ZNF638: variants seen among roughly 807,000 people sequenced by gnomAD.
ZNF638 encodes the protein CTCL tumor antigen se33-1.
ZNF638 carries 46 observed loss-of-function variants against 195.6 expected under a neutral mutation model. That is an observed-to-expected ratio of 0.24 (90% CI 0.19 to 0.30). The LOEUF is 0.30. Ranked by LOEUF, ZNF638 falls within the 10% of genes least tolerant of loss-of-function variation. The pLI is 1.00. For missense variants in ZNF638, 2,440 were observed against 2,325.3 expected (o/e 1.05, Z -1.01); for synonymous variants, 845 against 772.0 (o/e 1.09, Z -1.57).
Position 71,364,131 on chromosome 2 carries a change from A to T in ZNF638, c.1596A>T (p.Arg532Ser). The change falls in exon 5 of 28, where the codon AGA becomes AGT. Residue 532 changes from arginine (R) to serine (S), a missense_variant. Transcript: ENST00000264447. ...SPRICHRFISRYRSRSRSRSP... is the reference protein window; with the variant it reads ...SPRICHRFISSYRSRSRSRSP... ...GAATTTGCCATCGTTTCATTTCTAGATACAGATCCAGATCCAGATCCCGTT... is the reference window on the plus strand; with the variant it reads ...GAATTTGCCATCGTTTCATTTCTAGTTACAGATCCAGATCCAGATCCCGTT... 1 of 1,614,150 alleles carries T rather than the reference A, an allele frequency of 6.2e-7. No individual in the cohort carries two copies. The highest frequency in any genetic ancestry group is 8.5e-7 in the Non-Finnish European group (1 of 1,180,026).
intron 5 of ZNF638, among the ~76,000 whole-genome samples, chr2:71,364,515 A>G (rs929083862): frequency 6.6e-6 from 1 of 152,194 alleles, no homozygotes; most frequent in African/African-American, 2.4e-5. Context: ...ATAGAATTCC[A>G]TGGATTAATT....
At chr2:71,380,484 G>C in intron 9 of ZNF638, 29 bp from the exon 10 acceptor site, 12 of 1,567,066 alleles carry the variant, frequency 7.7e-6, no homozygotes, top group Middle Eastern at 1.8e-4. Flanking sequence ...TTCCTAAGTT[G>C]CTGCTAAATT....
chr2:71,406,366 T>C (rs1402264453), intron 19 of ZNF638, 104 bp downstream of exon 19: 15 of 1,009,404 alleles, frequency 1.5e-5, no homozygotes, highest in Non-Finnish European at 2.1e-5. Flanking sequence ...CTGTAAATAT[T>C]ACTCAACCAC....
rs1314550393 is a variant in ZNF638, at chr2:71,369,987, A to G, written c.2247A>G (p.Pro749=). 6 of 1,594,708 alleles carry G rather than the reference A, an allele frequency of 3.8e-6. No individual in the cohort carries two copies. The highest frequency in any genetic ancestry group is 1.8e-5 in the Admixed American group (1 of 54,534). Residue 749 remains proline, a synonymous_variant, in exon 8 of 28, where the codon CCA becomes CCG. Coordinates refer to ENST00000264447, the MANE Select transcript of ZNF638 (RefSeq NM_014497.5). ...IKGKSVKICV[P]GKKKAQNKEV... is the part of the protein sequence containing the mutation. ...GAAAAAGTGTGAAAATATGTGTTCC[A>G]GGAAAGAAAAAAGCACAGGTAATCT...
At chr2:71,395,968 A>G (rs2079884697) in intron 10 of ZNF638, 173 bp from the exon 11 acceptor site, 2 of 644,954 alleles carry the variant, frequency 3.1e-6, no homozygotes, top group East Asian at 2.7e-5. Flanking sequence ...CTTTTGATAC[A>G]TCAAGTCCAT....
At chr2:71,333,722 A>C (rs995344199) in intron 1 of ZNF638, among the ~76,000 whole-genome samples, 2 of 128,754 alleles carry the variant, frequency 1.6e-5, no homozygotes, top group Non-Finnish European at 3.3e-5. Flanking sequence ...TATGTGTGAG[A>C]CTTTGGTAAA....
At position 71,349,884 on chromosome 2, in the gene ZNF638, C is replaced by A. The variant is rs781439442; in HGVS notation, c.930C>A (p.Ser310=). 6 of 1,614,022 alleles carry A rather than the reference C, an allele frequency of 3.7e-6. No individual in the cohort carries two copies. Among genetic ancestry groups the A allele is most frequent in the Non-Finnish European group, 5.1e-6 (6 of 1,180,036 alleles). ...GGQSVLEPIK[S]VNQSINQTVS... ...AGTCAGTCCTTGAACCCATAAAATC[C>A]GTCAACCAATCCATTAACCAAACAG... The change falls in exon 2 of 28, where the codon TCC becomes TCA. Residue 310 remains serine, a synonymous_variant. Coordinates refer to ENST00000264447, the MANE Select transcript of ZNF638 (RefSeq NM_014497.5).
intron 4 of ZNF638, 59 bp from the exon 5 acceptor site, chr2:71,363,895 T>C (rs1243914356): frequency 6.5e-7 from 1 of 1,534,458 alleles, no homozygotes; most frequent in Admixed American, 2.1e-5. Context: ...TGTCATTTAT[T>C]ATCATTTAAA....
intron 1 of ZNF638, among the ~76,000 whole-genome samples, chr2:71,340,481 A>G (rs1055366136): frequency 6.6e-6 from 1 of 152,226 alleles, no homozygotes; most frequent in Non-Finnish European, 1.5e-5. Flanking sequence ...AGCCTCTTCT[A>G]TTAACTACCC....
chr2:71,391,469 T>C (rs12478953), intron 10 of ZNF638, among the ~76,000 whole-genome samples: 87,707 of 152,016 alleles, frequency 0.58, 26,580 homozygotes, highest in Admixed American at 0.68. Flanking sequence ...AGAAAAAAAT[T>C]TCCTAATTGC....
rs2080052302 is a variant in ZNF638 at position 71,403,808 on chromosome 2, GT to G, written c.2830-61del. On this transcript the variant is annotated intron_variant, in intron 16 of 27. Transcript: ENST00000264447. ...TGAAGTAGTTTGTTTATACTTGCAAGTCTGTTTTTGAGAAAAAGTAACATAA... is the reference window on the plus strand; with the variant it reads ...TGAAGTAGTTTGTTTATACTTGCAAGCTGTTTTTGAGAAAAAGTAACATAA... 4 of 1,237,070 alleles carry G rather than the reference GT, an allele frequency of 3.2e-6. No individual in the cohort carries two copies. In the Admixed American group the frequency reaches 9.5e-5, roughly 29 times the overall value. The allele number at this position is 1,237,070 out of a possible 1,614,324, so 76.6% of individuals were successfully genotyped here. A position where few individuals can be genotyped will look rare whatever the true frequency, so the allele number is the denominator to read the frequency against.
At chr2:71,378,595 A>G (rs747455358) in intron 8 of ZNF638, among the ~76,000 whole-genome samples, 2 of 152,212 alleles carry the variant, frequency 1.3e-5, no homozygotes, top group Non-Finnish European at 1.5e-5. Flanking sequence ...TAGAGAGAGA[A>G]AGACCACAAA....
rs368558376 is a variant in ZNF638 at position 71,424,004 on chromosome 2, C to T, written c.4490C>T (p.Pro1497Leu). The T allele has an allele frequency of 3.0e-5, 49 of 1,613,962 alleles. No homozygotes were observed. In the Middle Eastern group the frequency reaches 6.6e-4, roughly 22 times the overall value. Residue 1497 changes from proline (P) to leucine (L), a missense_variant, in exon 22 of 28, where the codon CCT becomes CTT. Pro to Leu is a moderately conservative substitution (Grantham distance 98). Coordinates refer to ENST00000264447, the MANE Select transcript of ZNF638 (RefSeq NM_014497.5). ...TKQSQETEAR[P>L]SIMKRDDSNN... is the part of the protein sequence containing the mutation. Reference sequence around the variant, plus strand: ...CAATCTCAGGAAACAGAGGCTAGACCTTCCATCATGAAACGGGATGACAGC... The same window carrying T: ...CAATCTCAGGAAACAGAGGCTAGACTTTCCATCATGAAACGGGATGACAGC...
chr2:71,408,060 G>T, intron 19 of ZNF638, 62 bp from the exon 20 acceptor site: 1 of 1,494,200 alleles, frequency 6.7e-7, no homozygotes, highest in Non-Finnish European at 9.1e-7. Context: ...GTTGGATTAT[G>T]TGGTTATTCT....
intron 8 of ZNF638, among the ~76,000 whole-genome samples, chr2:71,377,646 G>A (rs1322009318): frequency 6.6e-6 from 1 of 152,222 alleles, no homozygotes; most frequent in African/African-American, 2.4e-5. Flanking sequence ...AGAAGATGCA[G>A]TGGTGAGCAA....
rs142052776 is a variant in ZNF638, at chr2:71,335,640, A to G, written c.-203+3765A>G. Among the ~76,000 whole-genome samples the G allele has an allele frequency of 3.4e-3, 524 of 152,330 alleles. 1 individual carries two copies. Among genetic ancestry groups the G allele is most frequent in the Non-Finnish European group, 5.4e-3 (369 of 68,028 alleles). Reference sequence around the variant, plus strand: ...TCATTCATGTGCCTGTCCAGTTTCAATTATCTAGCTAATGGTCAGTCTTGT... The same window carrying G: ...TCATTCATGTGCCTGTCCAGTTTCAGTTATCTAGCTAATGGTCAGTCTTGT... On this transcript the variant is annotated intron_variant, in intron 1 of 27. Transcript: ENST00000264447.
chr2:71,430,123 G>C (rs1425550267), intron 25 of ZNF638, among the ~76,000 whole-genome samples: 1 of 152,034 alleles, frequency 6.6e-6, no homozygotes, highest in East Asian at 1.9e-4. Context: ...AATATGTTTT[G>C]ACAAAAGGAC....
At chr2:71,434,703 G>GTTAT (rs1558892728) in intron 27 of ZNF638, 39 bp from the exon 28 acceptor site, 17 of 1,562,062 alleles carry the variant, frequency 1.1e-5, no homozygotes, top group Non-Finnish European at 1.3e-5. Flanking sequence ...GCAAAATAAC[G>GTTAT]TCTAATAAGT....
chr2:71,381,445 G>A (rs1331037253), intron 10 of ZNF638, among the ~76,000 whole-genome samples: 1 of 152,100 alleles, frequency 6.6e-6, no homozygotes, highest in Non-Finnish European at 1.5e-5. Context: ...CTTCTGGAAG[G>A]CAGTACATTT....
Sources: gnomAD v4.1 joint callset for allele counts (sites outside exome capture counted in the v4.1 genomes callset) on GRCh38, gnomAD v4.1.1 for gene constraint, MANE v1.5 for transcripts, NCBI Gene and HGNC (gene_info 2026-07-23, HGNC 2026-07-21) for gene names.